TMEM132D: variants seen among roughly 807,000 people sequenced by gnomAD.
TMEM132D encodes the protein mature OL transmembrane protein.
TMEM132D carries 21 observed loss-of-function variants against 62.3 expected under a neutral mutation model. That is an observed-to-expected ratio of 0.34 (90% CI 0.24 to 0.49). The LOEUF (loss-of-function observed/expected upper bound fraction) is 0.49. Among genes scored for constraint, TMEM132D ranks in the 20% least tolerant of loss-of-function variants. The pLI, the probability that TMEM132D is intolerant of heterozygous loss-of-function variation, is 0.99. For synonymous variants in TMEM132D, 621 were observed against 575.6 expected, an observed-to-expected ratio of 1.08 and a Z score of -1.13; for missense variants, 1,346 against 1,402.8, an observed-to-expected ratio of 0.96 and a Z score of 0.65.
At chr12:129,837,051 G>A (rs1566003053) in intron 1 of TMEM132D, among the ~76,000 whole-genome samples, 1 of 152,242 alleles carries the variant, frequency 6.6e-6, no homozygotes, top group South Asian at 2.1e-4. Flanking sequence ...TCTAGGAAAC[G>A]GAAACCATGA....
At chr12:129,254,874 G>C (rs1175267567) in intron 4 of TMEM132D, among the ~76,000 whole-genome samples, 1 of 152,152 alleles carries the variant, frequency 6.6e-6, no homozygotes, top group Non-Finnish European at 1.5e-5. Flanking sequence ...ATATGTAGTA[G>C]TTAGGTGGTA....
rs1206361277 is a variant in TMEM132D at position 129,903,631 on chromosome 12, G to A, written c.-292C>T. The A allele has an allele frequency of 1.2e-5, 5 of 400,168 alleles. No homozygotes were observed. The Admixed American group carries it at 1.6e-4, about 13-fold the overall frequency. The allele number at this position is 400,168 out of a possible 1,614,324, so 24.8% of individuals were successfully genotyped here. A position where few individuals can be genotyped will look rare whatever the true frequency, so the allele number is the denominator to read the frequency against. On this transcript the variant is annotated 5_prime_UTR_variant, in exon 1 of 9. Transcript: ENST00000422113. This position sits in a 1 kb window ranked among gnomAD's most constrained non-coding sequence, Gnocchi z 6.2. ...TTTTTTTAAATTTTAATCCACAGGG[G>A]GTATTTCCTTTCCTGTTTACCCGAG...
chr12:129,251,857 G>A (rs945322577), intron 4 of TMEM132D, among the ~76,000 whole-genome samples: 1 of 152,128 alleles, frequency 6.6e-6, no homozygotes, highest in Non-Finnish European at 1.5e-5. Flanking sequence ...CGTGGATGCA[G>A]TGACCCCTTG....
chr12:129,768,929 C>T (rs1009910256), intron 1 of TMEM132D, among the ~76,000 whole-genome samples: 1 of 152,166 alleles, frequency 6.6e-6, no homozygotes, highest in Non-Finnish European at 1.5e-5. Context: ...CAGTTCAGTT[C>T]TAAAGGTACC....
Position 129,532,584 on chromosome 12 carries a change from A to T in TMEM132D, c.969-1379T>A, listed in dbSNP as rs564545521. Among the ~76,000 whole-genome samples the T allele has an allele frequency of 3.9e-5, 6 of 152,330 alleles. No homozygotes were observed. In the South Asian group the frequency reaches 1.2e-3, roughly 32 times the overall value. ...CTGCAGGCTTGAGACTGCCCTCCTTAGGAAAGCCTGCTGGCAAGGGTGGCT... is the reference window on the plus strand; with the variant it reads ...CTGCAGGCTTGAGACTGCCCTCCTTTGGAAAGCCTGCTGGCAAGGGTGGCT... On this transcript the variant is annotated intron_variant, in intron 2 of 8. Transcript: ENST00000422113.
intron 1 of TMEM132D, among the ~76,000 whole-genome samples, chr12:129,798,016 T>C (rs1871616666): frequency 6.6e-6 from 1 of 152,192 alleles, no homozygotes; most frequent in Non-Finnish European, 1.5e-5. Flanking sequence ...AAATAGTGAA[T>C]GATTTCTTGA....
intron 3 of TMEM132D, among the ~76,000 whole-genome samples, chr12:129,461,392 A>G (rs1275423885): frequency 6.6e-6 from 1 of 152,116 alleles, no homozygotes; most frequent in Admixed American, 6.6e-5. Context: ...ACCAGACGGA[A>G]AGGCTCTGCT....
intron 1 of TMEM132D, among the ~76,000 whole-genome samples, chr12:129,833,539 C>G (rs542858384): frequency 6.6e-6 from 1 of 152,128 alleles, no homozygotes. Context: ...GTGGGAGGAT[C>G]GCTTGAGCCC....
chr12:129,795,354 T>C (rs1206783050), intron 1 of TMEM132D, among the ~76,000 whole-genome samples: 1 of 152,230 alleles, frequency 6.6e-6, no homozygotes, highest in Non-Finnish European at 1.5e-5. Flanking sequence ...AAGCTGCATC[T>C]TCTCACCTGG....
At chr12:129,150,326 C>T (rs761110976) in intron 5 of TMEM132D, among the ~76,000 whole-genome samples, 71 of 152,270 alleles carry the variant, frequency 4.7e-4, no homozygotes, top group Non-Finnish European at 7.8e-4. Context: ...AGGGGGCTGA[C>T]GACAATGCCG....
At position 129,601,503 on chromosome 12, in the gene TMEM132D, C is replaced by T. The variant is rs973915563; in HGVS notation, c.969-70298G>A. On this transcript the variant is annotated intron_variant, in intron 2 of 8. Coordinates refer to ENST00000422113, the MANE Select transcript of TMEM132D (RefSeq NM_133448.3). The stretch of plus-strand genomic sequence containing the variant: ...AAAAGACCTAGCTTTCAGCCTGTCT[C>T]CACTTTCAACATGCCTTCCTCACTA... Among the ~76,000 whole-genome samples, 34 of 152,230 alleles carry T rather than the reference C, an allele frequency of 2.2e-4. 1 individual carries two copies.
chr12:129,616,940 G>T (rs190634400), intron 2 of TMEM132D, among the ~76,000 whole-genome samples: 1 of 152,144 alleles, frequency 6.6e-6, no homozygotes, highest in African/African-American at 2.4e-5. Flanking sequence ...GGATTTTGTC[G>T]CTGTTGTATA....
rs1402797989 is a variant in TMEM132D, at chr12:129,337,655, A to T, written c.1278T>A (p.Ile426=). Reference sequence around the variant, plus strand: ...TTACCATAGCCAGCGGCACAACTCCAATCAAGTCCTTTGGGCTCACATAGA... The same window carrying T: ...TTACCATAGCCAGCGGCACAACTCCTATCAAGTCCTTTGGGCTCACATAGA... ...SKIYVSPKDL[I]GVVPLAMEAE... The change falls in exon 4 of 9, where the codon ATT becomes ATA. Residue 426 remains isoleucine (I), a synonymous_variant. Coordinates refer to ENST00000422113, the MANE Select transcript of TMEM132D (RefSeq NM_133448.3). 1.9e-6 allele frequency: 3 copies of T among 1,614,042 alleles called. No homozygotes were observed. Among genetic ancestry groups the T allele is most frequent in the Non-Finnish European group, 2.5e-6 (3 of 1,179,970 alleles).
chr12:129,220,233 T>C (rs80244139), intron 4 of TMEM132D, among the ~76,000 whole-genome samples: 99 of 151,386 alleles, frequency 6.5e-4, no homozygotes, highest in African/African-American at 2.3e-3. Flanking sequence ...ACCAAGAACC[T>C]GCTGCTTGTC....
At chr12:129,684,100 T>C (rs1880849396) in intron 2 of TMEM132D, among the ~76,000 whole-genome samples, 1 of 152,190 alleles carries the variant, frequency 6.6e-6, no homozygotes, top group African/African-American at 2.4e-5. Flanking sequence ...CTTCTGTCTA[T>C]AAATCCCCCC....
chr12:129,286,115 G>C (rs1412064388), intron 4 of TMEM132D, among the ~76,000 whole-genome samples: 3 of 152,172 alleles, frequency 2.0e-5, no homozygotes, highest in Admixed American at 1.3e-4. Flanking sequence ...AGTTTCTCTA[G>C]TTTTAGGTTC....
intron 2 of TMEM132D, among the ~76,000 whole-genome samples, chr12:129,579,591 G>C (rs929789869): frequency 1.3e-5 from 2 of 152,186 alleles, no homozygotes; most frequent in African/African-American, 4.8e-5. Context: ...AAAGACCCTG[G>C]AGTCTGATGT....
intron 4 of TMEM132D, among the ~76,000 whole-genome samples, chr12:129,244,385 C>CAAAAAA (rs751155633): frequency 4.7e-5 from 4 of 85,210 alleles, no homozygotes; most frequent in South Asian, 4.4e-4. Flanking sequence ...GACTCTGTCT[C>CAAAAAA]AAAAAAAAAA....
In TMEM132D at chr12:129,466,279, C is replaced by CTGT. The variant is rs1566078686; in HGVS notation, c.1115+64779_1115+64780insACA. 5.0e-5 allele frequency among the ~76,000 whole-genome samples: 5 copies of CTGT among 100,398 alleles called. 2 individuals are homozygous for CTGT. Among genetic ancestry groups the CTGT allele is most frequent in the Non-Finnish European group, 3.9e-5 (2 of 51,238 alleles). The allele number at this position is 100,398 out of a possible 152,430, so 65.9% of individuals were successfully genotyped here. A position where few individuals can be genotyped will look rare whatever the true frequency, so the allele number is the denominator to read the frequency against. ...TATAACAGTGGCTGGTAGATTTTTC[C>CTGT]TTTTTTTTTTTTTTTTTTTTTTTTT... On this transcript the variant is annotated intron_variant, in intron 3 of 8. Coordinates refer to ENST00000422113, the MANE Select transcript of TMEM132D (RefSeq NM_133448.3).
Sources: allele counts gnomAD v4.1 joint callset (sites outside exome capture counted in the v4.1 genomes callset), GRCh38; gene constraint gnomAD v4.1.1; non-coding constraint Gnocchi (gnomAD v3.1); transcripts MANE v1.5; gene names NCBI Gene and HGNC (gene_info 2026-07-23, HGNC 2026-07-21).